Variants in DNM3 observed in about 807,000 individuals in gnomAD.
The protein encoded by DNM3 is dynamin-3.
A neutral mutation model predicts 101.6 loss-of-function variants in DNM3; 47 were observed. The observed-to-expected ratio is 0.46, with a 90% confidence interval of 0.37 to 0.59. The LOEUF (loss-of-function observed/expected upper bound fraction) is 0.59. Ranked by LOEUF, DNM3 falls within the 20% of genes least tolerant of loss-of-function variation. The pLI, the probability that DNM3 is intolerant of heterozygous loss-of-function variation, is 0.00. For synonymous variants in DNM3, 385 were observed against 387.9 expected (o/e 0.99, Z 0.09); for missense variants, 849 against 1,085.7 (o/e 0.78, Z 3.06).
At chr1:172,056,848 G>A (rs1386258321) in intron 10 of DNM3, among the ~76,000 whole-genome samples, 1 of 152,132 alleles carries the variant, frequency 6.6e-6, no homozygotes, top group Admixed American at 6.5e-5. Context: ...GACGGAGAAC[G>A]ACTTTGACGA....
At chr1:171,912,895 A>T (rs764386056) in intron 1 of DNM3, among the ~76,000 whole-genome samples, 2 of 152,242 alleles carry the variant, frequency 1.3e-5, no homozygotes, top group African/African-American at 2.4e-5. Flanking sequence ...TTTTCCTGGC[A>T]GCCAACTTGG....
At chr1:171,979,788 A>G (rs931011995) in intron 2 of DNM3, among the ~76,000 whole-genome samples, 6 of 152,202 alleles carry the variant, frequency 3.9e-5, no homozygotes, top group African/African-American at 1.4e-4. Context: ...TCAAGATGGC[A>G]TTAATATTAA....
intron 4 of DNM3, among the ~76,000 whole-genome samples, chr1:172,012,670 C>CG (rs2047207863): frequency 6.6e-6 from 1 of 151,798 alleles, no homozygotes; most frequent in African/African-American, 2.4e-5. Flanking sequence ...CTTTTTTCTA[C>CG]AAATATTAAA....
intron 15 of DNM3, among the ~76,000 whole-genome samples, chr1:172,294,688 G>A (rs2064072261): frequency 6.6e-6 from 1 of 152,096 alleles, no homozygotes; most frequent in African/African-American, 2.4e-5. Flanking sequence ...CAACACAGGA[G>A]GATCGTTTGA....
intron 14 of DNM3, among the ~76,000 whole-genome samples, chr1:172,189,399 A>G (rs111231491): frequency 5.3e-4 from 81 of 152,182 alleles, no homozygotes; most frequent in African/African-American, 1.9e-3. Flanking sequence ...ATAACTTGCT[A>G]TTATTTTAAT....
At chr1:172,034,550 C>T (rs2048827765) in intron 6 of DNM3, among the ~76,000 whole-genome samples, 2 of 151,660 alleles carry the variant, frequency 1.3e-5, no homozygotes, top group Admixed American at 1.3e-4. Context: ...ACAGGTGACC[C>T]CCAAGTTATG....
Position 171,870,456 on chromosome 1 carries a change from CAAACA to C in DNM3, c.161+28658_161+28662del, listed in dbSNP as rs368416298. Among the ~76,000 whole-genome samples, 545 of 151,644 alleles carry C rather than the reference CAAACA, an allele frequency of 3.6e-3. 5 individuals are homozygous for C. The highest frequency in any genetic ancestry group is 0.012 in the African/African-American group (496 of 41,364). ...TCCCTCCATCTCAAAAACAAAAAAA[CAAACA>C]AAACAAAACAAAACAAAAACAAACA... On this transcript the variant is annotated intron_variant, in intron 1 of 20. Coordinates refer to ENST00000627582, the MANE Select transcript of DNM3 (RefSeq NM_015569.5).
At chr1:172,414,902 TAA>T (rs138381362), downstream of DNM3, among the ~76,000 whole-genome samples, 34,683 of 118,878 alleles carry the variant, frequency 0.29, 5,964 homozygotes, top group Middle Eastern at 0.36. Context: ...ACCTCATCTC[TAA>T]AAAAAAAAAA....
At chr1:172,406,181 T>C (rs189679013) in intron 20 of DNM3, among the ~76,000 whole-genome samples, 108 of 152,030 alleles carry the variant, frequency 7.1e-4, no homozygotes, top group Admixed American at 2.2e-3. Flanking sequence ...TACAAACAAC[T>C]GTATCAGGAG....
intron 1 of DNM3, among the ~76,000 whole-genome samples, chr1:171,890,075 A>G (rs908704410): frequency 1.3e-5 from 2 of 152,228 alleles, no homozygotes; most frequent in Non-Finnish European, 2.9e-5. Flanking sequence ...GAGAAAAACT[A>G]CAAGTATATC....
intron 10 of DNM3, among the ~76,000 whole-genome samples, chr1:172,056,208 G>C (rs1003822258): frequency 6.6e-6 from 1 of 152,184 alleles, no homozygotes; most frequent in African/African-American, 2.4e-5. Context: ...ACGGAATCTC[G>C]CTGATTGCTA....
Position 172,100,092 on chromosome 1 carries a change from G to T in DNM3, c.1545+7217G>T, listed in dbSNP as rs572604576. 2.0e-5 allele frequency among the ~76,000 whole-genome samples: 3 copies of T among 152,270 alleles called. No homozygotes were observed. In the South Asian group the frequency reaches 6.2e-4, roughly 32 times the overall value. On this transcript the variant is annotated intron_variant, in intron 13 of 20. Transcript: ENST00000627582. ...GGAAGTAGAGCAGGTGCTTGCATGA[G>T]CCTAGATATTAGGGTACTTCTTAGT...
At chr1:172,297,881 A>C (rs2064242697) in intron 15 of DNM3, among the ~76,000 whole-genome samples, 1 of 152,058 alleles carries the variant, frequency 6.6e-6, no homozygotes, top group Non-Finnish European at 1.5e-5. Context: ...TTTTAAAAAA[A>C]TATGTCTTTT....
intron 13 of DNM3, among the ~76,000 whole-genome samples, chr1:172,112,357 C>G (rs1334343721): frequency 1.3e-5 from 2 of 152,182 alleles, no homozygotes; most frequent in East Asian, 3.8e-4. Flanking sequence ...GATTTAAACT[C>G]ATGAAGTCCA....
At chr1:171,923,641 C>A (rs10798758) in intron 2 of DNM3, among the ~76,000 whole-genome samples, 94,074 of 151,924 alleles carry the variant, frequency 0.62, 29,216 homozygotes, top group Middle Eastern at 0.69. Flanking sequence ...CTTTGATCTT[C>A]CACTTAGGTC....
intron 4 of DNM3, among the ~76,000 whole-genome samples, chr1:172,007,396 G>A (rs1372199225): frequency 6.6e-6 from 1 of 152,112 alleles, no homozygotes; most frequent in East Asian, 1.9e-4. Context: ...CGGTGATGCT[G>A]AGCATCAGTT....
intron 1 of DNM3, among the ~76,000 whole-genome samples, chr1:171,901,636 C>T (rs999483920): frequency 1.3e-5 from 2 of 152,176 alleles, no homozygotes; most frequent in Non-Finnish European, 2.9e-5. Flanking sequence ...ACAACTTGTG[C>T]AGGGTTACCA....
intron 14 of DNM3, among the ~76,000 whole-genome samples, chr1:172,185,608 C>A (rs1442978149): frequency 6.6e-6 from 1 of 151,970 alleles, no homozygotes; most frequent in Non-Finnish European, 1.5e-5. Flanking sequence ...AGCAACCTGG[C>A]CTAAACAGAA....
intron 2 of DNM3, among the ~76,000 whole-genome samples, chr1:171,981,259 C>A (rs181354628): frequency 2.6e-5 from 4 of 152,224 alleles, no homozygotes; most frequent in African/African-American, 9.6e-5. Context: ...TTCACTGGAG[C>A]CCTGTGCTCA....
Sources: allele counts gnomAD v4.1 joint callset (sites outside exome capture counted in the v4.1 genomes callset), GRCh38; gene constraint gnomAD v4.1.1; transcripts MANE v1.5; gene names NCBI Gene and HGNC (gene_info 2026-07-23, HGNC 2026-07-21).